The following OC90 variants were observed in gnomAD, a reference collection of about 807,000 sequenced individuals.
The protein encoded by OC90 is otoconin 90.
OC90 carries 46 observed loss-of-function variants against 47.3 expected under a neutral mutation model. The ratio of observed to expected loss-of-function variants is 0.97; its 90% CI spans 0.77 to 1.24. OC90 has a LOEUF of 1.24. Ranked by LOEUF, OC90 falls within the 50% of genes most tolerant of loss-of-function variation. The pLI, the probability that OC90 is intolerant of heterozygous loss-of-function variation, is 0.00. For missense variants in OC90, 688 were observed against 583.9 expected (o/e 1.18, Z -1.84); for synonymous variants, 271 against 219.5 (o/e 1.23, Z -2.07).
intron 6 of OC90, 22 bp from the exon 7 acceptor site, chr8:132,039,145 C>T: frequency 6.3e-7 from 1 of 1,581,462 alleles, no homozygotes; most frequent in Admixed American, 1.8e-5. Context: ...AAGAGCATAG[C>T]CAATTGGAAA....
intron 9 of OC90, chr8:132,036,494 G>T (rs1336795025): frequency 1.3e-6 from 1 of 774,476 alleles, no homozygotes. Flanking sequence ...ACAGATTTGG[G>T]GGCTGAGGAT....
chr8:132,025,975 T>G (rs1356474212), intron 13 of OC90, among the ~76,000 whole-genome samples: 1 of 152,248 alleles, frequency 6.6e-6, no homozygotes, highest in Non-Finnish European at 1.5e-5. Context: ...AGAATTTCCC[T>G]ATTCATCATT....
Position 132,056,942 on chromosome 8 carries a change from C to A in OC90, c.-47-1869G>T, listed in dbSNP as rs1024683003. Among the ~76,000 whole-genome samples, 4 of 152,152 alleles carry A rather than the reference C, an allele frequency of 2.6e-5. No individual in the cohort carries two copies. In the South Asian group the frequency reaches 8.3e-4, roughly 32 times the overall value. Reference sequence around the variant, plus strand: ...GCATTGGGATCTTCCAGTCCAAGCTCCTGTTTTACAGATGAGATCATTGAG... The same window carrying A: ...GCATTGGGATCTTCCAGTCCAAGCTACTGTTTTACAGATGAGATCATTGAG... On this transcript the variant is annotated intron_variant, in intron 1 of 13. Transcript: ENST00000254627.
In OC90 at chr8:132,041,590, G is replaced by T. The variant is rs754932954; in HGVS notation, c.279C>A (p.Asp93Glu). Residue 93 changes from aspartate (D) to glutamate (E), a missense_variant, in exon 5 of 14, where the codon GAC (aspartate) becomes GAA (glutamate). Physicochemically the swap from Asp to Glu is conservative, Grantham distance 45. Transcript: ENST00000254627. Reference sequence around the variant, plus strand: ...TGCAGGTGCAACCATAGTCTTCAAAGTCTCGGGGGCAGAGACCAGCCACAC... The same window carrying T: ...TGCAGGTGCAACCATAGTCTTCAAATTCTCGGGGGCAGAGACCAGCCACAC... ...MKCVAGLCPR[D>E]FEDYGCTCRF... 3.1e-6 allele frequency: 5 copies of T among 1,613,356 alleles called. No individual in the cohort carries two copies. The highest frequency in any genetic ancestry group is 4.2e-6 in the Non-Finnish European group (5 of 1,179,718).
chr8:132,039,707 C>G (rs1018064856), intron 6 of OC90, among the ~76,000 whole-genome samples: 1 of 152,162 alleles, frequency 6.6e-6, no homozygotes, highest in East Asian at 1.9e-4. Context: ...TCACTGCTCC[C>G]TTATTTCTCA....
rs1478218346 is a variant in OC90 at position 132,024,495 on chromosome 8, G to A, written c.1420C>T (p.Leu474Phe). The change falls in exon 14 of 14, where the codon CTT becomes TTT. Residue 474 changes from leucine to phenylalanine, a missense_variant. Coordinates refer to ENST00000254627, the MANE Select transcript of OC90 (RefSeq NM_001080399.3). ...KSLGPLGIGP[L>F]HGR is the part of the protein sequence containing the mutation. ...TCTCTGGGCATCTATCTTCCATGAA[G>A]AGGCCCGATCCCCAAGGGACCCAGT... is the stretch of plus-strand genomic sequence containing the variant. 1 of 1,555,864 alleles carries A rather than the reference G, an allele frequency of 6.4e-7. No homozygotes were observed. The highest frequency in any genetic ancestry group is 1.2e-5 in the South Asian group (1 of 82,998).
chr8:132,046,466 A>T (rs907640425), intron 2 of OC90, among the ~76,000 whole-genome samples: 2 of 152,196 alleles, frequency 1.3e-5, no homozygotes, highest in African/African-American at 4.8e-5. Flanking sequence ...CCTCGCCTTG[A>T]GAAATGTTAC....
chr8:132,030,337 GTGAAGAGTTTTCT>G (rs1822856627), intron 12 of OC90, among the ~76,000 whole-genome samples: 1 of 152,172 alleles, frequency 6.6e-6, no homozygotes, highest in African/African-American at 2.4e-5. Context: ...CTTTTCCTTA[GTGAAGAGTTTTCT>G]CCTGTTGGCC....
rs73350985 is a variant in OC90 at position 132,045,792 on chromosome 8, C to G, written c.112+26G>C. 3.9e-3 allele frequency: 5,477 copies of G among 1,395,856 alleles called. 154 individuals carry two copies. The African/African-American group carries it at 0.068, about 17-fold the overall frequency. The allele number at this position is 1,395,856 out of a possible 1,614,324, so 86.5% of individuals were successfully genotyped here. A position where few individuals can be genotyped will look rare whatever the true frequency, so the allele number is the denominator to read the frequency against. On this transcript the variant is annotated intron_variant, in intron 3 of 13. Transcript: ENST00000254627. Reference sequence around the variant, plus strand: ...TCCTAGACAACTTTCTACTCTGCTCCTAAGAAAAGTTCTAAGAATCCTTAC... The same window carrying G: ...TCCTAGACAACTTTCTACTCTGCTCGTAAGAAAAGTTCTAAGAATCCTTAC...
At chr8:132,031,793 C>A in intron 12 of OC90, 88 bp downstream of exon 12, 1 of 1,178,936 alleles carries the variant, frequency 8.5e-7, no homozygotes, top group South Asian at 1.5e-5. Context: ...CAAGTTTCAG[C>A]CTGGTGTCCA....
chr8:132,035,125 C>T (rs1017837819), intron 9 of OC90, among the ~76,000 whole-genome samples: 5 of 152,156 alleles, frequency 3.3e-5, no homozygotes, highest in South Asian at 2.1e-4. Flanking sequence ...CTTTAGAATT[C>T]GGAGAAAAAC....
chr8:132,030,659 G>A (rs1353208134), intron 12 of OC90, among the ~76,000 whole-genome samples: 1 of 152,222 alleles, frequency 6.6e-6, no homozygotes, highest in African/African-American at 2.4e-5. Context: ...ACATGCTTAT[G>A]ACTGCACAGT....
At position 132,024,517 on chromosome 8, in the gene OC90, C is replaced by A; in HGVS notation, c.1398G>T (p.Leu466=). The A allele has an allele frequency of 6.3e-7, 1 of 1,587,990 alleles. No individual in the cohort carries two copies. Among genetic ancestry groups the A allele is most frequent in the Non-Finnish European group, 8.6e-7 (1 of 1,163,900 alleles). ...GAAGAGGCCCGATCCCCAAGGGACC[C>A]AGTGACTTCCGCAGAAACCTCTTGG... The part of the protein sequence containing the change: ...GRAKRFLRKS[L]GPLGIGPLHG... The change falls in exon 14 of 14, where the codon CTG becomes CTT. Residue 466 remains leucine (L), a synonymous_variant. Transcript: ENST00000254627.
chr8:132,050,274 A>G (rs1823194690), intron 2 of OC90, among the ~76,000 whole-genome samples: 1 of 152,158 alleles, frequency 6.6e-6, no homozygotes, highest in Non-Finnish European at 1.5e-5. Context: ...GTGGACCCTG[A>G]AGGCCTCAGA....
At chr8:132,032,131 G>T (rs1280850037) in intron 11 of OC90, 79 bp from the exon 12 acceptor site, 1 of 1,304,598 alleles carries the variant, frequency 7.7e-7, no homozygotes, top group Non-Finnish European at 1.1e-6. Context: ...TGAGCCTCCG[G>T]GTTGTATGTG....
intron 2 of OC90, among the ~76,000 whole-genome samples, chr8:132,049,357 A>T (rs1823182062): frequency 6.6e-6 from 1 of 152,154 alleles, no homozygotes; most frequent in South Asian, 2.1e-4. Context: ...CAGCCTAGTG[A>T]TCATGGCTGG....
At position 132,034,846 on chromosome 8, in the gene OC90, A is replaced by G. The variant is rs1822933643; in HGVS notation, c.680-12T>C. Reference sequence around the variant, plus strand: ...ATCGTGGCCTGCTTCTGTTCCCCAAAGAAGAGAGACAGCATGAGCATCCAC... The same window carrying G: ...ATCGTGGCCTGCTTCTGTTCCCCAAGGAAGAGAGACAGCATGAGCATCCAC... On this transcript the variant is annotated splice_polypyrimidine_tract_variant and intron_variant, in intron 9 of 13. Coordinates refer to ENST00000254627, the MANE Select transcript of OC90 (RefSeq NM_001080399.3). 3.7e-6 allele frequency: 6 copies of G among 1,610,458 alleles called. No individual in the cohort carries two copies. Among genetic ancestry groups the G allele is most frequent in the East Asian group, 2.2e-5 (1 of 44,820 alleles).
chr8:132,032,904 G>T, intron 11 of OC90, 135 bp downstream of exon 11: 1 of 987,218 alleles, frequency 1.0e-6, no homozygotes, highest in Non-Finnish European at 1.4e-6. Flanking sequence ...AGGTGCTCAT[G>T]CAGTCAGGGG....
chr8:132,038,653 A>G (rs871959), intron 8 of OC90, 137 bp downstream of exon 8: 461,403 of 712,404 alleles, frequency 0.65, 150,643 homozygotes, highest in East Asian at 0.75. Context: ...TCCTAGCCAG[A>G]GAAGGCAGGA....
Sources: allele counts gnomAD v4.1 joint callset (sites outside exome capture counted in the v4.1 genomes callset), GRCh38; gene constraint gnomAD v4.1.1; transcripts MANE v1.5; gene names NCBI Gene and HGNC (gene_info 2026-07-23, HGNC 2026-07-21).